TXNDC16: variants seen among roughly 807,000 people sequenced by gnomAD.
TXNDC16 encodes the protein thioredoxin domain-containing protein 16.
TXNDC16 carries 74 observed loss-of-function variants against 85.6 expected under a neutral mutation model. The observed-to-expected ratio is 0.86, with a 90% confidence interval of 0.72 to 1.05. The LOEUF is 1.05. TXNDC16 is among the 50% of genes least tolerant of loss of function. The probability of loss-of-function intolerance (pLI) is 0.00; values close to 1 mark genes in which losing one functional copy is unlikely to be tolerated. For missense variants in TXNDC16, 959 were observed against 947.0 expected (o/e 1.01, Z -0.17); for synonymous variants, 335 against 326.5 (o/e 1.03, Z -0.28).
chr14:52,431,113 A>G lies in TXNDC16; in HGVS notation c.*1191T>C, dbSNP rs1157583404. 1 of 152,262 alleles carries G rather than the reference A, an allele frequency of 6.6e-6. No homozygotes were observed. The highest frequency in any genetic ancestry group is 1.5e-5 in the Non-Finnish European group (1 of 68,048). The allele number at this position is 152,262 out of a possible 1,614,324, so 9.4% of individuals were successfully genotyped here. A position where few individuals can be genotyped will look rare whatever the true frequency, so the allele number is the denominator to read the frequency against. On this transcript the variant is annotated 3_prime_UTR_variant, in exon 21 of 21. Transcript: ENST00000281741. ...AATGAGACAAACAACTGCTACAAAC[A>G]GATCAGTCTAACAGCTAAGTGATTT... is the stretch of plus-strand genomic sequence containing the variant.
intron 9 of TXNDC16, among the ~76,000 whole-genome samples, chr14:52,492,662 G>C (rs1232463766): frequency 6.6e-6 from 1 of 152,176 alleles, no homozygotes; most frequent in Non-Finnish European, 1.5e-5. Flanking sequence ...AACTAGGCAG[G>C]GAGGTGGGGT....
intron 14 of TXNDC16, among the ~76,000 whole-genome samples, chr14:52,472,291 G>A (rs1177372969): frequency 2.0e-5 from 3 of 151,648 alleles, no homozygotes; most frequent in African/African-American, 7.3e-5. Context: ...TTCCTCTCCC[G>A]AGTTCAGGCG....
At chr14:52,530,010 T>C (rs1157097878) in intron 6 of TXNDC16, among the ~76,000 whole-genome samples, 1 of 100,268 alleles carries the variant, frequency 1.0e-5, no homozygotes, top group Non-Finnish European at 1.8e-5. Context: ...ATAATATATA[T>C]TATATATTAT....
At chr14:52,459,310 C>T (rs1594695423) in intron 16 of TXNDC16, among the ~76,000 whole-genome samples, 1 of 152,160 alleles carries the variant, frequency 6.6e-6, no homozygotes, top group East Asian at 1.9e-4. Context: ...ATTATACAAA[C>T]TAGAAAACCT....
intron 20 of TXNDC16, among the ~76,000 whole-genome samples, chr14:52,434,924 T>C (rs1025962142): frequency 1.3e-5 from 2 of 152,284 alleles, no homozygotes; most frequent in African/African-American, 4.8e-5. Context: ...AAAATTGCAA[T>C]AGAAGACACG....
intron 4 of TXNDC16, among the ~76,000 whole-genome samples, chr14:52,540,120 C>G (rs1308733342): frequency 1.3e-5 from 2 of 152,170 alleles, no homozygotes; most frequent in African/African-American, 4.8e-5. Flanking sequence ...ACATATAGCC[C>G]TAAATAGCAT....
rs1464123785 is a variant in TXNDC16, at chr14:52,530,411, T to TTA, written c.392+6306_392+6307dup. 2.1e-4 allele frequency among the ~76,000 whole-genome samples: 4 copies of TTA among 19,030 alleles called. 1 individual carries two copies. The highest frequency in any genetic ancestry group is 1.1e-3 in the African/African-American group (4 of 3,490). 12.5% of individuals were successfully genotyped at this position (19,030 alleles called of 152,430 possible). On this transcript the variant is annotated intron_variant, in intron 6 of 20. Coordinates refer to ENST00000281741, the MANE Select transcript of TXNDC16 (RefSeq NM_020784.3). ...AATATTATAATATAATATATAATTA[T>TTA]TATATAATATTATATATAATAATAT...
intron 6 of TXNDC16, among the ~76,000 whole-genome samples, chr14:52,521,530 T>A (rs1374349393): frequency 4.6e-5 from 7 of 152,148 alleles, no homozygotes; most frequent in Non-Finnish European, 1.0e-4. Context: ...TCATGTAGCC[T>A]CTAGAACCCC....
chr14:52,544,966 T>C (rs2037911995), intron 1 of TXNDC16, among the ~76,000 whole-genome samples: 1 of 152,170 alleles, frequency 6.6e-6, no homozygotes, highest in African/African-American at 2.4e-5. Context: ...AAAGCTACTT[T>C]ATATTAATAG....
At chr14:52,444,118 A>C (rs1347746006) in intron 18 of TXNDC16, among the ~76,000 whole-genome samples, 5 of 152,206 alleles carry the variant, frequency 3.3e-5, no homozygotes, top group Non-Finnish European at 7.4e-5. Flanking sequence ...TGGTATAGAC[A>C]ACAGTTTTGA....
rs1341551793 is a variant in TXNDC16 at position 52,493,208 on chromosome 14, TATATATATAC to T, written c.757-2213_757-2204del. 1.1e-3 allele frequency among the ~76,000 whole-genome samples: 126 copies of T among 119,750 alleles called. 2 individuals are homozygous for T. The highest frequency in any genetic ancestry group is 3.2e-3 in the African/African-American group (96 of 29,540). The allele number at this position is 119,750 out of a possible 152,430, so 78.6% of individuals were successfully genotyped here. ...TGTCACTGTTCTATATATATATATA[TATATATATAC>T]ACACACACACACACACATATTTAAA... is the stretch of plus-strand genomic sequence containing the variant. On this transcript the variant is annotated intron_variant, in intron 9 of 20. Coordinates refer to ENST00000281741, the MANE Select transcript of TXNDC16 (RefSeq NM_020784.3).
intron 6 of TXNDC16, among the ~76,000 whole-genome samples, chr14:52,535,666 A>G (rs1189648402): frequency 6.6e-6 from 1 of 152,202 alleles, no homozygotes; most frequent in South Asian, 2.1e-4. Flanking sequence ...ATTCAGGGGA[A>G]GAGTCCAAGA....
intron 16 of TXNDC16, among the ~76,000 whole-genome samples, chr14:52,459,385 T>A (rs1453945530): frequency 6.6e-6 from 1 of 152,006 alleles, no homozygotes; most frequent in Non-Finnish European, 1.5e-5. Flanking sequence ...AGAAATTGAT[T>A]CCCTGAACAG....
intron 18 of TXNDC16, among the ~76,000 whole-genome samples, chr14:52,451,654 T>C (rs1232896824): frequency 6.6e-6 from 1 of 151,816 alleles, no homozygotes; most frequent in Non-Finnish European, 1.5e-5. Flanking sequence ...ATCCCTTCAT[T>C]AAAAAAACCC....
intron 12 of TXNDC16, among the ~76,000 whole-genome samples, chr14:52,487,870 T>C (rs535548248): frequency 2.0e-5 from 3 of 152,328 alleles, no homozygotes; most frequent in Admixed American, 6.5e-5. Flanking sequence ...TTCATAAATG[T>C]AAGCAATACA....
At chr14:52,460,451 G>C (rs925469004) in intron 16 of TXNDC16, among the ~76,000 whole-genome samples, 1 of 152,160 alleles carries the variant, frequency 6.6e-6, no homozygotes, top group Non-Finnish European at 1.5e-5. Flanking sequence ...GAAAGTCAAA[G>C]AAGGTTGAAC....
chr14:52,483,982 T>C (rs1320780894), intron 12 of TXNDC16, among the ~76,000 whole-genome samples: 1 of 152,116 alleles, frequency 6.6e-6, no homozygotes, highest in African/African-American at 2.4e-5. Flanking sequence ...GCAAAGAGAA[T>C]GGCATGAGCA....
At chr14:52,513,616 T>C (rs998382417) in intron 8 of TXNDC16, among the ~76,000 whole-genome samples, 3 of 151,856 alleles carry the variant, frequency 2.0e-5, no homozygotes, top group Admixed American at 6.6e-5. Flanking sequence ...AAAAATACCA[T>C]GCCTTAGTCT....
intron 18 of TXNDC16, among the ~76,000 whole-genome samples, chr14:52,452,254 C>A (rs2035429216): frequency 6.6e-6 from 1 of 152,116 alleles, no homozygotes; most frequent in Non-Finnish European, 1.5e-5. Context: ...GTTCTTAATA[C>A]CCAAAATAAC....
Sources: allele counts gnomAD v4.1 joint callset (sites outside exome capture counted in the v4.1 genomes callset), GRCh38; gene constraint gnomAD v4.1.1; transcripts MANE v1.5; gene names NCBI Gene and HGNC (gene_info 2026-07-23, HGNC 2026-07-21).